ODF2: variants seen among roughly 807,000 people sequenced by gnomAD.
ODF2 encodes outer dense fiber protein 2.
A neutral mutation model predicts 110.2 loss-of-function variants in ODF2; 47 were observed. That is an observed-to-expected ratio of 0.43 (90% CI 0.34 to 0.54). ODF2 has a LOEUF of 0.54. Among genes scored for constraint, ODF2 ranks in the 20% least tolerant of loss-of-function variants. The probability of loss-of-function intolerance (pLI) is 0.03; values close to 1 mark genes in which losing one functional copy is unlikely to be tolerated. For missense variants in ODF2, 812 were observed against 1,054.5 expected (o/e 0.77, Z 3.19); for synonymous variants, 352 against 397.7 (o/e 0.89, Z 1.37).
chr9:128,476,143 G>T (rs986490438), intron 8 of ODF2, among the ~76,000 whole-genome samples: 4 of 152,040 alleles, frequency 2.6e-5, no homozygotes, highest in African/African-American at 9.7e-5. Context: ...GGTTGATTCC[G>T]TATCTTGGCT....
chr9:128,456,138 G>T, upstream of ODF2: 1 of 1,548,500 alleles, frequency 6.5e-7, no homozygotes, highest in Non-Finnish European at 8.7e-7. Flanking sequence ...CGGAAGCGGG[G>T]AGGAGCCGCT....
intron 14 of ODF2, among the ~76,000 whole-genome samples, chr9:128,488,943 G>A (rs1843970272): frequency 6.6e-6 from 1 of 152,188 alleles, no homozygotes; most frequent in Non-Finnish European, 1.5e-5. Context: ...GGAAGTGGAG[G>A]TTGCAGTGAG....
chr9:128,496,195 G>A (rs1481871992), intron 18 of ODF2, 54 bp downstream of exon 18: 2 of 1,610,034 alleles, frequency 1.2e-6, no homozygotes, highest in Non-Finnish European at 1.7e-6. Flanking sequence ...GAGACTTTCA[G>A]CCACTTAGCT....
At chr9:128,465,969 G>A (rs1432534996) in intron 4 of ODF2, among the ~76,000 whole-genome samples, 1 of 150,670 alleles carries the variant, frequency 6.6e-6, no homozygotes, top group African/African-American at 2.4e-5. Flanking sequence ...GCGAAACCCC[G>A]TCTCTACTAA....
upstream of ODF2, chr9:128,456,135 G>T (rs750945935): frequency 2.6e-6 from 4 of 1,548,058 alleles, no homozygotes; most frequent in South Asian, 3.6e-5. Context: ...AGGCGGAAGC[G>T]GGGAGGAGCC....
intron 18 of ODF2, among the ~76,000 whole-genome samples, chr9:128,496,555 T>C (rs1432933728): frequency 6.6e-6 from 1 of 152,270 alleles, no homozygotes; most frequent in African/African-American, 2.4e-5. Flanking sequence ...ATTTACGGAT[T>C]GTTGGAGGCA....
exon 2 of ODF2, chr9:128,457,420 C>T: frequency 6.2e-7 from 1 of 1,612,552 alleles, no homozygotes; most frequent in Non-Finnish European, 8.5e-7. Context: ...CTGCCTCATC[C>T]TCAGGCGGCT....
intron 1 of ODF2, 109 bp downstream of exon 1, chr9:128,456,364 G>A (rs1324036995): frequency 2.1e-6 from 3 of 1,432,166 alleles, no homozygotes; most frequent in Admixed American, 3.3e-5. Context: ...TCGGGTCCTG[G>A]GTTCCCCGCC....
chr9:128,471,567 AGGCACT>A, intron 6 of ODF2, 99 bp downstream of exon 6: 6 of 1,160,974 alleles, frequency 5.2e-6, no homozygotes, highest in South Asian at 1.4e-5. Context: ...AGGTGGGCAC[AGGCACT>A]GTGCCTGTGC....
chr9:128,486,225 A>C (rs1843328443), intron 13 of ODF2, among the ~76,000 whole-genome samples: 1 of 152,148 alleles, frequency 6.6e-6, no homozygotes. Flanking sequence ...CTCCCAGGTC[A>C]GGAAAGTCTC....
At chr9:128,484,043 A>G (rs910853145) in exon 11 of ODF2, 4 of 1,610,472 alleles carry the variant, frequency 2.5e-6, no homozygotes, top group East Asian at 2.2e-5. Flanking sequence ...TCGCCTGTGC[A>G]TGCAGATTAA....
At chr9:128,487,103 A>G (rs900292626) in intron 13 of ODF2, among the ~76,000 whole-genome samples, 9 of 151,976 alleles carry the variant, frequency 5.9e-5, no homozygotes, top group Non-Finnish European at 1.2e-4. Flanking sequence ...CTTAATGGAG[A>G]CAAGGTCTTG....
intron 20 of ODF2, 28 bp downstream of exon 20, chr9:128,499,154 G>A (rs1396033045): frequency 6.2e-7 from 1 of 1,613,774 alleles, no homozygotes; most frequent in Non-Finnish European, 8.5e-7. Flanking sequence ...GCCGGGCTAG[G>A]AGAGTGGGCA....
chr9:128,496,190 T>C, intron 18 of ODF2, 49 bp downstream of exon 18: 1 of 1,610,834 alleles, frequency 6.2e-7, no homozygotes, highest in Non-Finnish European at 8.5e-7. Flanking sequence ...GACCTGAGAC[T>C]TTCAGCCACT....
chr9:128,492,883 T>C (rs1588978200), intron 16 of ODF2, 78 bp downstream of exon 16: 5 of 1,320,956 alleles, frequency 3.8e-6, no homozygotes, highest in Middle Eastern at 1.8e-4. Flanking sequence ...GTTCCCCTTG[T>C]TTGCCTTTGA....
chr9:128,470,729 C>T (rs1306318771), intron 5 of ODF2, among the ~76,000 whole-genome samples: 1 of 152,080 alleles, frequency 6.6e-6, no homozygotes. Context: ...GGTTTGCAAC[C>T]TGGCTTCGTT....
intron 8 of ODF2, among the ~76,000 whole-genome samples, chr9:128,479,606 C>T (rs1318853237): frequency 6.6e-6 from 1 of 151,626 alleles, no homozygotes; most frequent in Non-Finnish European, 1.5e-5. Context: ...ACCTTCCGAC[C>T]TGGCCATTCC....
At chr9:128,459,468 C>T in intron 2 of ODF2, 99 bp from the exon 2 acceptor site, 1 of 936,044 alleles carries the variant, frequency 1.1e-6, no homozygotes, top group Non-Finnish European at 1.7e-6. Context: ...TAGCCATGAA[C>T]ATGTTAGCTA....
chr9:128,459,867 C>G (rs1835961014), intron 3 of ODF2, among the ~76,000 whole-genome samples: 1 of 151,756 alleles, frequency 6.6e-6, no homozygotes, highest in African/African-American at 2.4e-5. Flanking sequence ...TTGTCTTAGA[C>G]TTATTCTTCC....
Sources: gnomAD v4.1 joint callset for allele counts (sites outside exome capture counted in the v4.1 genomes callset) on GRCh38, gnomAD v4.1.1 for gene constraint, MANE v1.5 for transcripts, NCBI Gene and HGNC (gene_info 2026-07-23, HGNC 2026-07-21) for gene names.